Variants in HSD17B4 observed in about 807,000 individuals in gnomAD.
HSD17B4 encodes hydroxysteroid 17-beta dehydrogenase 4, also known as peroxisomal multifunctional enzyme type 2.
In HSD17B4, 70 loss-of-function variants were observed where a neutral mutation model predicts 101.0. That is an observed-to-expected ratio of 0.69 (90% confidence interval 0.57 to 0.85). The LOEUF (loss-of-function observed/expected upper bound fraction) is 0.85. Among genes scored for constraint, HSD17B4 ranks in the 40% least tolerant of loss-of-function variants. The pLI, the probability that HSD17B4 is intolerant of heterozygous loss-of-function variation, is 0.00. For synonymous variants in HSD17B4, 347 were observed against 297.1 expected, an observed-to-expected ratio of 1.17 and a Z score of -1.73; for missense variants, 984 against 892.4, an observed-to-expected ratio of 1.10 and a Z score of -1.31.
intron 2 of HSD17B4, among the ~76,000 whole-genome samples, chr5:119,467,574 C>T (rs942031550): frequency 3.9e-5 from 6 of 152,202 alleles, no homozygotes; most frequent in Admixed American, 3.3e-4. Flanking sequence ...CTGTTTTTGA[C>T]TTAAAGTCTA....
intron 12 of HSD17B4, among the ~76,000 whole-genome samples, chr5:119,497,573 T>G (rs1462173881): frequency 3.3e-5 from 5 of 152,194 alleles, no homozygotes; most frequent in African/African-American, 4.8e-5. Context: ...CCCAGGTTCT[T>G]TGTTGTGTTT....
At position 119,479,021 on chromosome 5, in the gene HSD17B4, G is replaced by A; in HGVS notation, c.622G>A (p.Asp208Asn). The A allele has an allele frequency of 6.2e-7, 1 of 1,609,998 alleles. No homozygotes were observed. Among genetic ancestry groups the A allele is most frequent in the Non-Finnish European group, 8.5e-7 (1 of 1,176,436 alleles). Residue 208 changes from aspartate to asparagine, a missense_variant and splice_region_variant, in exon 8 of 24, where the codon GAT becomes AAT. By Grantham distance (23) the Asp-to-Asn change is conservative (BLOSUM62 1). Transcript: ENST00000510025. The part of the protein sequence containing the change: ...SRMTQTVMPE[D>N]LVEALKPEYV... ...GATGACTCAGACAGTTATGCCTGAAGGTAAGTAAGCAAGCTTATATTTTTC... is the reference window on the plus strand; with the variant it reads ...GATGACTCAGACAGTTATGCCTGAAAGTAAGTAAGCAAGCTTATATTTTTC...
intron 7 of HSD17B4, chr5:119,477,820 A>G (rs1452930700): frequency 3.2e-6 from 1 of 314,086 alleles, no homozygotes; most frequent in East Asian, 7.4e-5. Flanking sequence ...TGGCATGAAC[A>G]TGGCTCACTG....
chr5:119,512,232 A>G (rs770164597), intron 16 of HSD17B4, among the ~76,000 whole-genome samples: 1 of 152,198 alleles, frequency 6.6e-6, no homozygotes, highest in Non-Finnish European at 1.5e-5. Context: ...GAGTATCACT[A>G]AGCACACTAA....
rs1756396023 is a variant in HSD17B4, at chr5:119,471,793, A to G, written c.113-2115A>G. On this transcript the variant is annotated intron_variant, in intron 2 of 23. Coordinates refer to ENST00000510025, the MANE Select transcript of HSD17B4 (RefSeq NM_000414.4). ...TGCATGTTATTTTGTAAATTTTTTC[A>G]TAAATTATTGTGTAAATTAACTTTG... 3 of 669,508 alleles carry G rather than the reference A, an allele frequency of 4.5e-6. No individual in the cohort carries two copies. The East Asian group carries it at 8.5e-5, about 19-fold the overall frequency. The allele number at this position is 669,508 out of a possible 1,614,324, so 41.5% of individuals were successfully genotyped here.
chr5:119,470,501 T>C (rs547486937), intron 2 of HSD17B4, among the ~76,000 whole-genome samples: 44 of 152,354 alleles, frequency 2.9e-4, no homozygotes, highest in Non-Finnish European at 3.8e-4. Context: ...GGCAGGTTCC[T>C]ATACTGAGCT....
intron 8 of HSD17B4, among the ~76,000 whole-genome samples, chr5:119,481,689 A>T (rs1749149302): frequency 1.3e-5 from 2 of 152,184 alleles, no homozygotes; most frequent in Admixed American, 1.3e-4. Context: ...GGATAAATGG[A>T]GTGAGCACAT....
At chr5:119,506,146 C>T (rs1396159366) in intron 14 of HSD17B4, among the ~76,000 whole-genome samples, 1 of 151,760 alleles carries the variant, frequency 6.6e-6, no homozygotes, top group East Asian at 1.9e-4. Flanking sequence ...AGGTATTTCT[C>T]CTAATGTTAT....
intron 7 of HSD17B4, 186 bp downstream of exon 7, chr5:119,477,687 G>A (rs548273022): frequency 2.3e-4 from 138 of 597,434 alleles, no homozygotes; most frequent in African/African-American, 2.1e-3. Context: ...CAGATTGGCT[G>A]AGCTGGAAAG....
chr5:119,490,459 TA>T (rs1258379728), intron 9 of HSD17B4, among the ~76,000 whole-genome samples: 1 of 152,210 alleles, frequency 6.6e-6, no homozygotes, highest in African/African-American at 2.4e-5. Context: ...TAAGACCATA[TA>T]AAAAATAAAA....
intron 8 of HSD17B4, among the ~76,000 whole-genome samples, chr5:119,479,239 C>CTCTGCAT (rs1748888319): frequency 6.6e-6 from 1 of 151,986 alleles, no homozygotes; most frequent in African/African-American, 2.4e-5. Context: ...TAAAAACTTT[C>CTCTGCAT]ATTCTTTTTC....
intron 2 of HSD17B4, among the ~76,000 whole-genome samples, chr5:119,465,642 AG>A (rs1755733337): frequency 6.6e-6 from 1 of 152,262 alleles, no homozygotes; most frequent in Admixed American, 6.5e-5. Context: ...ATTGGTGTAT[AG>A]AAATGCTACT....
chr5:119,486,188 G>A (rs1353459634), intron 8 of HSD17B4, among the ~76,000 whole-genome samples: 6 of 152,156 alleles, frequency 3.9e-5, no homozygotes, highest in Non-Finnish European at 7.4e-5. Context: ...CAAGACAGAA[G>A]CTGCAGTGTC....
At chr5:119,485,883 A>G (rs1749572963) in intron 8 of HSD17B4, among the ~76,000 whole-genome samples, 1 of 152,142 alleles carries the variant, frequency 6.6e-6, no homozygotes, top group South Asian at 2.1e-4. Context: ...GCAAACATTT[A>G]TTATCTCACT....
chr5:119,455,791 A>G (rs916661139), intron 1 of HSD17B4, among the ~76,000 whole-genome samples: 3 of 152,140 alleles, frequency 2.0e-5, no homozygotes, highest in Non-Finnish European at 4.4e-5. Flanking sequence ...TTGATCCATT[A>G]GAGGAGGCAA....
intron 13 of HSD17B4, among the ~76,000 whole-genome samples, chr5:119,500,939 T>C (rs562108605): frequency 6.6e-6 from 1 of 152,260 alleles, no homozygotes; most frequent in African/African-American, 2.4e-5. Flanking sequence ...TATGAGCTGG[T>C]ATCTGTAACT....
chr5:119,471,732 A>C, intron 2 of HSD17B4: 1 of 1,159,384 alleles, frequency 8.6e-7, no homozygotes, highest in South Asian at 1.5e-5. Context: ...TTTCCAAGTT[A>C]TTTGGCATTT....
rs186850331 is a variant in HSD17B4 at position 119,457,704 on chromosome 5, A to G, written c.112+1336A>G. Among the ~76,000 whole-genome samples, 403 of 152,110 alleles carry G rather than the reference A, an allele frequency of 2.6e-3. 2 individuals carry two copies. The highest frequency in any genetic ancestry group is 9.1e-3 in the African/African-American group (378 of 41,492). On this transcript the variant is annotated intron_variant, in intron 2 of 23. Transcript: ENST00000510025. ...TTGCTATTTAGTTCTTAATATTTTTACCTTATATGTTTTTATTTATTTACA... is the reference window on the plus strand; with the variant it reads ...TTGCTATTTAGTTCTTAATATTTTTGCCTTATATGTTTTTATTTATTTACA...
At chr5:119,511,057 T>C (rs39970) in intron 16 of HSD17B4, among the ~76,000 whole-genome samples, 94,677 of 151,838 alleles carry the variant, frequency 0.62, 30,051 homozygotes, top group East Asian at 0.92. Context: ...GGTTGGAGAG[T>C]CAGCAGAGAA....
Sources: allele counts gnomAD v4.1 joint callset (sites outside exome capture counted in the v4.1 genomes callset), GRCh38; gene constraint gnomAD v4.1.1; transcripts MANE v1.5; gene names NCBI Gene and HGNC (gene_info 2026-07-23, HGNC 2026-07-21).